The following VRK2 variants were observed in gnomAD, a reference collection of about 807,000 sequenced individuals.
VRK2 encodes VRK serine/threonine kinase 2.
A neutral mutation model predicts 57.6 loss-of-function variants in VRK2; 60 were observed. The observed-to-expected ratio is 1.04, with a 90% CI of 0.85 to 1.29. The LOEUF is 1.29. Among genes scored for constraint, VRK2 ranks in the 50% most tolerant of loss-of-function variants. The pLI is 0.00. For synonymous variants in VRK2, 231 were observed against 199.2 expected (o/e 1.16, Z -1.35); for missense variants, 705 against 588.1 (o/e 1.20, Z -2.06).
chr2:58,046,743 A>C (rs1674796832), upstream of VRK2: 2 of 985,418 alleles, frequency 2.0e-6, no homozygotes, highest in African/African-American at 1.7e-5. Flanking sequence ...GGCAGGTCCT[A>C]GGGAGGGCAG....
intron 9 of VRK2, 47 bp downstream of exon 9, chr2:58,131,975 G>C: frequency 1.9e-6 from 3 of 1,605,218 alleles, no homozygotes; most frequent in Non-Finnish European, 2.6e-6. Context: ...AGGTCTGAAG[G>C]GATACATTAA....
intron 11 of VRK2, among the ~76,000 whole-genome samples, chr2:58,143,032 A>G (rs181615455): frequency 1.3e-5 from 2 of 152,040 alleles, no homozygotes; most frequent in Admixed American, 1.3e-4. Context: ...CTCCCATAGC[A>G]TATCCAGAGT....
chr2:57,933,685 A>T (rs1255305409), intron 1 of VRK2, among the ~76,000 whole-genome samples: 11 of 150,408 alleles, frequency 7.3e-5, no homozygotes, highest in African/African-American at 2.4e-4. Flanking sequence ...TTATCCATCC[A>T]GCCATTCTGT....
At chr2:58,019,239 T>C (rs900371371) in intron 1 of VRK2, among the ~76,000 whole-genome samples, 1 of 152,230 alleles carries the variant, frequency 6.6e-6, no homozygotes. Context: ...TATCACAAAG[T>C]TGGCAACACT....
intron 12 of VRK2, chr2:58,159,135 A>AAATT: frequency 2.4e-6 from 1 of 408,258 alleles, no homozygotes; most frequent in Non-Finnish European, 4.3e-6. Context: ...AGAACCACTC[A>AAATT]AATTATATCC....
At chr2:58,100,299 TCAC>T (rs1222946660) in intron 7 of VRK2, among the ~76,000 whole-genome samples, 1 of 151,988 alleles carries the variant, frequency 6.6e-6, no homozygotes, top group Non-Finnish European at 1.5e-5. Context: ...TTTCTTGTGT[TCAC>T]CATCTATAAA....
intron 1 of VRK2, among the ~76,000 whole-genome samples, chr2:58,007,636 G>C (rs372705570): frequency 2.8e-4 from 42 of 152,122 alleles, no homozygotes; most frequent in Middle Eastern, 3.4e-3. Flanking sequence ...TTAATCAACT[G>C]TTTATGTTAT....
At chr2:58,142,302 T>C (rs560055037) in intron 11 of VRK2, among the ~76,000 whole-genome samples, 9 of 151,298 alleles carry the variant, frequency 5.9e-5, no homozygotes, top group Non-Finnish European at 1.3e-4. Context: ...CAAACTTACA[T>C]CACCTTTTTG....
chr2:57,946,915 T>C (rs970730475), intron 1 of VRK2, among the ~76,000 whole-genome samples: 2 of 151,974 alleles, frequency 1.3e-5, no homozygotes, highest in African/African-American at 2.4e-5. Flanking sequence ...CCAGAGGAAA[T>C]TTGCAAATAA....
chr2:58,128,229 G>A (rs939391139), intron 8 of VRK2, among the ~76,000 whole-genome samples: 1 of 152,184 alleles, frequency 6.6e-6, no homozygotes, highest in Non-Finnish European at 1.5e-5. Context: ...GTATGTCTTG[G>A]TGCTTTAAGT....
At chr2:57,927,192 T>G (rs1055587852) in intron 1 of VRK2, among the ~76,000 whole-genome samples, 1 of 152,058 alleles carries the variant, frequency 6.6e-6, no homozygotes, top group Non-Finnish European at 1.5e-5. Context: ...TTTTGAACTT[T>G]TTGTTGTTTC....
chr2:58,130,018 G>A (rs1678945838), intron 8 of VRK2, among the ~76,000 whole-genome samples: 2 of 152,060 alleles, frequency 1.3e-5, no homozygotes, highest in Admixed American at 6.6e-5. Context: ...ACTCTCAAAG[G>A]GCTATTTCAA....
intron 3 of VRK2, among the ~76,000 whole-genome samples, chr2:58,040,129 G>A (rs893100060): frequency 1.3e-5 from 2 of 151,912 alleles, no homozygotes; most frequent in Admixed American, 6.6e-5. Context: ...GTCTCGCTAT[G>A]TTCCCCAGAT....
chr2:58,048,676 G>A, intron 1 of VRK2, 151 bp from the exon 2 acceptor site: 2 of 1,504,012 alleles, frequency 1.3e-6, no homozygotes, highest in South Asian at 2.5e-5. Flanking sequence ...AATATAATGT[G>A]TGGGCTTTTC....
intron 2 of VRK2, among the ~76,000 whole-genome samples, chr2:58,074,061 A>G (rs553464841): frequency 2.6e-4 from 39 of 152,242 alleles, no homozygotes; most frequent in African/African-American, 8.9e-4. Flanking sequence ...GGTGACATTC[A>G]GTATTAACCA....
At chr2:57,983,718 G>A (rs1272493632) in intron 1 of VRK2, among the ~76,000 whole-genome samples, 1 of 152,134 alleles carries the variant, frequency 6.6e-6, no homozygotes, top group African/African-American at 2.4e-5. Context: ...AAACATGTTA[G>A]AAAATCAAAT....
intron 1 of VRK2, among the ~76,000 whole-genome samples, chr2:58,000,813 A>T (rs1315611779): frequency 6.6e-6 from 1 of 152,240 alleles, no homozygotes; most frequent in East Asian, 1.9e-4. Context: ...ATATGATTTG[A>T]CACCTGCTGT....
intron 2 of VRK2, among the ~76,000 whole-genome samples, chr2:58,029,537 C>T (rs899678794): frequency 4.6e-5 from 7 of 152,112 alleles, no homozygotes; most frequent in Non-Finnish European, 7.4e-5. Context: ...AACTCTTGAC[C>T]GGAAGATAGC....
intron 1 of VRK2, among the ~76,000 whole-genome samples, chr2:58,012,972 A>T (rs1673457862): frequency 6.6e-6 from 1 of 152,228 alleles, no homozygotes; most frequent in African/African-American, 2.4e-5. Flanking sequence ...TGAAAATTCA[A>T]AGTTTTACAA....
Sources: gnomAD v4.1 joint callset for allele counts (sites outside exome capture counted in the v4.1 genomes callset) on GRCh38, gnomAD v4.1.1 for gene constraint, MANE v1.5 for transcripts, NCBI Gene and HGNC (gene_info 2026-07-23, HGNC 2026-07-21) for gene names.